The following MRTFA variants were observed in gnomAD, a reference collection of about 807,000 sequenced individuals.
MRTFA encodes the protein myocardin-related transcription factor A.
A neutral mutation model predicts 83.5 loss-of-function variants in MRTFA; 20 were observed. The observed-to-expected ratio is 0.24, with a 90% CI of 0.17 to 0.35. MRTFA has a LOEUF of 0.35. MRTFA is among the 10% of genes least tolerant of loss of function. MRTFA has a pLI of 1.00. For synonymous variants in MRTFA, 659 were observed against 541.2 expected (o/e 1.22, Z -3.02); for missense variants, 1,200 against 1,224.7 (o/e 0.98, Z 0.30).
chr22:40,546,466 CCATGTCAAATGATGCAAAGA>C (rs1300042992), intron 3 of MRTFA, among the ~76,000 whole-genome samples: 5 of 152,146 alleles, frequency 3.3e-5, no homozygotes, highest in African/African-American at 1.2e-4. Context: ...GAGAAGCCAA[CCATGTCAAATGATGCAAAGA>C]GGTCAAGTAG....
intron 1 of MRTFA, among the ~76,000 whole-genome samples, chr22:40,627,847 C>T (rs1405892653): frequency 2.0e-5 from 3 of 152,146 alleles, no homozygotes; most frequent in Non-Finnish European, 4.4e-5. Flanking sequence ...ATGGCACACG[C>T]CTATAGTCCT....
chr22:40,428,987 T>C (rs997743555), intron 7 of MRTFA, among the ~76,000 whole-genome samples: 19 of 152,162 alleles, frequency 1.2e-4, no homozygotes, highest in African/African-American at 4.3e-4. Context: ...GCACCCTTCC[T>C]GATGCAACCA....
chr22:40,502,010 G>C (rs1159126844), intron 3 of MRTFA, among the ~76,000 whole-genome samples: 1 of 138,224 alleles, frequency 7.2e-6, no homozygotes, highest in Non-Finnish European at 1.6e-5. Flanking sequence ...TCCCGGACGG[G>C]GCAGCTGGCC....
intron 3 of MRTFA, among the ~76,000 whole-genome samples, chr22:40,469,708 T>C (rs1450397665): frequency 6.6e-6 from 1 of 152,046 alleles, no homozygotes; most frequent in African/African-American, 2.4e-5. Flanking sequence ...TCACAACACA[T>C]ACCAAGCAAT....
intron 3 of MRTFA, 86 bp downstream of exon 3, chr22:40,552,020 C>T: frequency 2.5e-6 from 1 of 395,520 alleles, no homozygotes; most frequent in Non-Finnish European, 4.5e-6. Context: ...TTTCACGGAA[C>T]ATCAAATAAA....
At chr22:40,561,490 A>T (rs1000521078) in intron 2 of MRTFA, among the ~76,000 whole-genome samples, 4 of 107,692 alleles carry the variant, frequency 3.7e-5, no homozygotes, top group Middle Eastern at 5.5e-3. Context: ...AACTATGTCT[A>T]AAAAAAAAAA....
intron 3 of MRTFA, among the ~76,000 whole-genome samples, chr22:40,510,895 A>T (rs1459872354): frequency 1.3e-5 from 2 of 152,106 alleles, no homozygotes. Context: ...TGCTTTTTTT[A>T]AAAAAAGCAC....
In MRTFA at chr22:40,577,925, C is replaced by G. The variant is rs548098451; in HGVS notation, c.-22+16749G>C. On this transcript the variant is annotated intron_variant, in intron 2 of 14. Coordinates refer to ENST00000355630, the MANE Select transcript of MRTFA (RefSeq NM_020831.6). ...CCGGCCTACATCTGATCTTTTTAAACCACTGTCTGGTAAGACTCCTGAGAA... is the reference window on the plus strand; with the variant it reads ...CCGGCCTACATCTGATCTTTTTAAAGCACTGTCTGGTAAGACTCCTGAGAA... 7.8e-4 allele frequency among the ~76,000 whole-genome samples: 117 copies of G among 150,114 alleles called. 1 individual carries two copies. Among genetic ancestry groups the G allele is most frequent in the African/African-American group, 2.2e-3 (90 of 40,816 alleles).
At chr22:40,572,945 C>A (rs890558432) in intron 2 of MRTFA, among the ~76,000 whole-genome samples, 1 of 152,164 alleles carries the variant, frequency 6.6e-6, no homozygotes, top group Non-Finnish European at 1.5e-5. Flanking sequence ...GGCGACACAG[C>A]CAAACCATAA....
At chr22:40,488,307 A>T (rs2054207168) in intron 3 of MRTFA, among the ~76,000 whole-genome samples, 1 of 152,192 alleles carries the variant, frequency 6.6e-6, no homozygotes, top group African/African-American at 2.4e-5. Flanking sequence ...GTTTGTGAAA[A>T]AGAGTAACAG....
Position 40,424,267 on chromosome 22 carries a change from G to A in MRTFA, c.716C>T (p.Ser239Leu), listed in dbSNP as rs1175229592. The change falls in exon 8 of 15, where the codon TCA becomes TTA. Residue 239 changes from serine to leucine, a missense_variant. Around this residue, in one of 2 missense-constraint regions of MRTFA, gnomAD observed 1,107 missense variants for 1,041.8 expected, o/e 1.06. Coordinates refer to ENST00000355630, the MANE Select transcript of MRTFA (RefSeq NM_020831.6). ...TTCGCTGACTCGGGCCTCCAGGGGT[G>A]ACGGCACAGAACCCTGGGACTCATG... 5.6e-6 allele frequency: 9 copies of A among 1,611,292 alleles called. No individual in the cohort carries two copies. Among genetic ancestry groups the A allele is most frequent in the Non-Finnish European group, 7.6e-6 (9 of 1,179,040 alleles).
chr22:40,472,910 A>G (rs1001175035), intron 3 of MRTFA, among the ~76,000 whole-genome samples: 5 of 152,334 alleles, frequency 3.3e-5, no homozygotes, highest in African/African-American at 1.2e-4. Flanking sequence ...AATTTGTTCA[A>G]AAGTTTCCAA....
intron 3 of MRTFA, among the ~76,000 whole-genome samples, chr22:40,489,070 C>T (rs772346950): frequency 6.6e-6 from 1 of 151,466 alleles, no homozygotes; most frequent in Non-Finnish European, 1.5e-5. Context: ...GTGATTGATG[C>T]CAAAGTCTAT....
chr22:40,476,642 C>T (rs1228861038), intron 3 of MRTFA, among the ~76,000 whole-genome samples: 2 of 151,926 alleles, frequency 1.3e-5, no homozygotes, highest in Non-Finnish European at 2.9e-5. Context: ...TTTGTACAGA[C>T]AGGGTTTCGC....
chr22:40,565,754 T>C (rs986613163), intron 2 of MRTFA, among the ~76,000 whole-genome samples: 1 of 152,138 alleles, frequency 6.6e-6, no homozygotes, highest in African/African-American at 2.4e-5. Context: ...ACTATAAGCA[T>C]TATGTGCCTG....
intron 2 of MRTFA, among the ~76,000 whole-genome samples, chr22:40,580,404 G>A (rs2055930764): frequency 6.6e-6 from 1 of 152,030 alleles, no homozygotes; most frequent in South Asian, 2.1e-4. Context: ...TTGCTACATT[G>A]CCCAAGCTGG....
intron 12 of MRTFA, among the ~76,000 whole-genome samples, 194 bp downstream of exon 12, chr22:40,418,180 C>T (rs938760632): frequency 3.3e-5 from 5 of 152,212 alleles, no homozygotes; most frequent in Admixed American, 6.5e-5. Context: ...ACCAATGGCT[C>T]CGCCCTACAG....
intron 1 of MRTFA, among the ~76,000 whole-genome samples, chr22:40,626,305 T>G (rs2056581214): frequency 6.6e-6 from 1 of 151,870 alleles, no homozygotes; most frequent in Non-Finnish European, 1.5e-5. Context: ...TCGTTTTTTT[T>G]GAGATGAGGT....
At chr22:40,500,277 G>A (rs1053175051) in intron 3 of MRTFA, among the ~76,000 whole-genome samples, 2 of 149,002 alleles carry the variant, frequency 1.3e-5, no homozygotes, top group African/African-American at 4.9e-5. Context: ...AAAAGTCTAT[G>A]CCTACAAAGA....
Sources: allele counts gnomAD v4.1 joint callset (sites outside exome capture counted in the v4.1 genomes callset), GRCh38; gene constraint gnomAD v4.1.1; regional missense constraint gnomAD v4.1.1; transcripts MANE v1.5; gene names NCBI Gene and HGNC (gene_info 2026-07-23, HGNC 2026-07-21).